BAZ2B: variants seen among roughly 807,000 people sequenced by gnomAD.
BAZ2B encodes bromodomain adjacent to zinc finger domain protein 2B.
In BAZ2B, 91 loss-of-function variants were observed where a neutral mutation model predicts 246.0. The ratio of observed to expected loss-of-function variants is 0.37; its 90% CI spans 0.31 to 0.44. BAZ2B has a LOEUF of 0.44. Ranked by LOEUF, BAZ2B falls within the 20% of genes least tolerant of loss-of-function variation. The probability of loss-of-function intolerance (pLI) is 1.00; values close to 1 mark genes in which losing one functional copy is unlikely to be tolerated. For missense variants in BAZ2B, 2,332 were observed against 2,533.7 expected, an observed-to-expected ratio of 0.92 and a Z score of 1.71; for synonymous variants, 855 against 860.0, an observed-to-expected ratio of 0.99 and a Z score of 0.10.
At chr2:159,346,796 C>A (rs1246131955) in intron 31 of BAZ2B, among the ~76,000 whole-genome samples, 1 of 152,106 alleles carries the variant, frequency 6.6e-6, no homozygotes, top group Non-Finnish European at 1.5e-5. Context: ...CTTTACAAAA[C>A]CAAAAATTCT....
At chr2:159,495,422 T>A (rs1173535344) in intron 2 of BAZ2B, among the ~76,000 whole-genome samples, 1 of 132,482 alleles carries the variant, frequency 7.5e-6, no homozygotes, top group Non-Finnish European at 1.5e-5. Flanking sequence ...GAGGCGGAGC[T>A]TGCAGTGAGC....
rs149978791 is a variant in BAZ2B at position 159,373,964 on chromosome 2, T to C, written c.4068+727A>G. Reference sequence around the variant, plus strand: ...AGGTCTGTGAAGAATCTAATATTAATACCATACACAGGCATCTCGTAATAC... The same window carrying C: ...AGGTCTGTGAAGAATCTAATATTAACACCATACACAGGCATCTCGTAATAC... On this transcript the variant is annotated intron_variant, in intron 26 of 36. Transcript: ENST00000392783. Among the ~76,000 whole-genome samples the C allele has an allele frequency of 6.6e-4, 100 of 152,256 alleles. 1 individual carries two copies. The East Asian group carries it at 0.019, about 29-fold the overall frequency.
rs767555348 is a variant in BAZ2B, at chr2:159,430,884, G to T, written c.2173C>A (p.Leu725Ile). 2.5e-6 allele frequency: 4 copies of T among 1,613,740 alleles called. No individual in the cohort carries two copies. In the South Asian group the frequency reaches 4.4e-5, roughly 18 times the overall value. The change falls in exon 10 of 37, where the codon CTT (leucine) becomes ATT (isoleucine). Residue 725 changes from leucine to isoleucine, a missense_variant. Physicochemically the swap from Leu to Ile is conservative, Grantham distance 5. This residue lies in a region of BAZ2B where 651 missense variants were observed against 650.9 expected (regional missense o/e 1.00). Coordinates refer to ENST00000392783, the MANE Select transcript of BAZ2B (RefSeq NM_013450.4). Reference protein sequence around the residue: ...PAFLGTSSSTLTSSPHSGTSK... With the variant: ...PAFLGTSSSTITSSPHSGTSK... ...GTACCAGAGTGTGGGCTTGAAGTAA[G>T]TGTGGAAGAAGATGTACCAAGAAAA... is the stretch of plus-strand genomic sequence containing the variant.
chr2:159,421,032 A>T (rs75927506), intron 13 of BAZ2B, among the ~76,000 whole-genome samples: 1 of 152,344 alleles, frequency 6.6e-6, no homozygotes, highest in Non-Finnish European at 1.5e-5. Flanking sequence ...TTTTTACAGA[A>T]GCTGGTAAGA....
the BAZ2B span, among the ~76,000 whole-genome samples, chr2:159,657,553 G>A: frequency 6.6e-6 from 1 of 152,174 alleles, no homozygotes; most frequent in South Asian, 2.1e-4. Context: ...AAGTTGGAAA[G>A]TGCTGACATC....
intron 27 of BAZ2B, among the ~76,000 whole-genome samples, chr2:159,360,205 T>A (rs1396079356): frequency 1.3e-5 from 2 of 151,978 alleles, no homozygotes; most frequent in African/African-American, 4.8e-5. Context: ...ATTTAGAAAA[T>A]CCCATCGTCT....
chr2:159,699,177 T>C, the BAZ2B span, among the ~76,000 whole-genome samples: 4 of 152,218 alleles, frequency 2.6e-5, no homozygotes, highest in African/African-American at 7.2e-5. Flanking sequence ...TGTGATACAC[T>C]TTCCTTGGAA....
chr2:159,365,947 A>C (rs1383675457), intron 27 of BAZ2B, among the ~76,000 whole-genome samples: 2 of 152,216 alleles, frequency 1.3e-5, no homozygotes, highest in African/African-American at 4.8e-5. Context: ...GATCCCACAC[A>C]ATGACAGTGC....
At chr2:159,691,270 T>C in the BAZ2B span, among the ~76,000 whole-genome samples, 1 of 152,196 alleles carries the variant, frequency 6.6e-6, no homozygotes, top group East Asian at 1.9e-4. Flanking sequence ...TTGAACAATG[T>C]GGGGGCAGCG....
chr2:159,455,113 C>G (rs947905304), intron 3 of BAZ2B, among the ~76,000 whole-genome samples: 1 of 152,048 alleles, frequency 6.6e-6, no homozygotes, highest in African/African-American at 2.4e-5. Flanking sequence ...TCCTTATTAT[C>G]TCTTGTTTAT....
the BAZ2B span, among the ~76,000 whole-genome samples, chr2:159,662,978 T>C: frequency 1.3e-5 from 2 of 152,172 alleles, no homozygotes; most frequent in Non-Finnish European, 1.5e-5. Context: ...TAGATAAATA[T>C]GTATTTTGAT....
At chr2:159,452,920 C>A (rs566468802) in intron 4 of BAZ2B, among the ~76,000 whole-genome samples, 3 of 151,922 alleles carry the variant, frequency 2.0e-5, no homozygotes, top group Non-Finnish European at 4.4e-5. Context: ...GCCAACATGG[C>A]GAAACCCCGT....
upstream of BAZ2B, among the ~76,000 whole-genome samples, chr2:159,620,042 C>T (rs957286321): frequency 2.0e-5 from 3 of 152,192 alleles, no homozygotes; most frequent in Non-Finnish European, 2.9e-5. Context: ...GACTATGCCA[C>T]CAATATGGAC....
rs1227949865 is a variant in BAZ2B, at chr2:159,461,284, G to A, written c.146-7483C>T. ...GTTATATTATATCTATGTCACCTGTGTATTCTGAGATTACACACATACCTG... is the reference window on the plus strand; with the variant it reads ...GTTATATTATATCTATGTCACCTGTATATTCTGAGATTACACACATACCTG... On this transcript the variant is annotated intron_variant, in intron 3 of 36. Coordinates refer to ENST00000392783, the MANE Select transcript of BAZ2B (RefSeq NM_013450.4). 3 of 152,388 alleles carry A rather than the reference G, an allele frequency of 2.0e-5. No homozygotes were observed. The East Asian group carries it at 5.8e-4, about 29-fold the overall frequency. The allele number at this position is 152,388 out of a possible 1,614,324, so 9.4% of individuals were successfully genotyped here.
chr2:159,427,644 A>C lies in BAZ2B; in HGVS notation c.2466+297T>G, dbSNP rs991012008. Among the ~76,000 whole-genome samples the C allele has an allele frequency of 2.0e-5, 3 of 152,158 alleles. No homozygotes were observed. The East Asian group carries it at 5.8e-4, about 29-fold the overall frequency. ...CTTTTCAGAAAACTAATGTTTTCCT[A>C]TATTTCATATGAAGATGCAGATGCT... On this transcript the variant is annotated intron_variant, in intron 13 of 36. Transcript: ENST00000392783.
intron 1 of BAZ2B, among the ~76,000 whole-genome samples, chr2:159,588,755 G>T (rs914500253): frequency 6.6e-6 from 1 of 152,120 alleles, no homozygotes; most frequent in Admixed American, 6.5e-5. Flanking sequence ...TAGCTTTGTG[G>T]CTCTTTTTGA....
At chr2:159,397,047 G>A in intron 19 of BAZ2B, 1 of 1,362,910 alleles carries the variant, frequency 7.3e-7, no homozygotes, top group Non-Finnish European at 9.7e-7. Context: ...TGCGGTGTTA[G>A]ATGTACAAAA....
the BAZ2B span, among the ~76,000 whole-genome samples, chr2:159,653,086 C>T: frequency 2.6e-5 from 4 of 151,948 alleles, no homozygotes; most frequent in East Asian, 1.9e-4. Flanking sequence ...TACAGGCGCA[C>T]GCCACCATAC....
At chr2:159,547,121 T>C (rs1280779662) in intron 2 of BAZ2B, among the ~76,000 whole-genome samples, 1 of 152,064 alleles carries the variant, frequency 6.6e-6, no homozygotes, top group African/African-American at 2.4e-5. Flanking sequence ...GGGTTTCTCT[T>C]GAGGAGAAAG....
Sources: gnomAD v4.1 joint callset for allele counts (sites outside exome capture counted in the v4.1 genomes callset) on GRCh38, gnomAD v4.1.1 for gene constraint, gnomAD v4.1.1 regional missense constraint, MANE v1.5 for transcripts, NCBI Gene and HGNC (gene_info 2026-07-23, HGNC 2026-07-21) for gene names.